MYO6: variants seen among roughly 807,000 people sequenced by gnomAD.
MYO6 encodes the protein myosin VI, also known as unconventional myosin-VI.
MYO6 carries 74 observed loss-of-function variants against 178.7 expected under a neutral mutation model. The observed-to-expected ratio is 0.41, with a 90% CI of 0.34 to 0.50. The LOEUF is 0.50. Among genes scored for constraint, MYO6 ranks in the 20% least tolerant of loss-of-function variants. The pLI, the probability that MYO6 is intolerant of heterozygous loss-of-function variation, is 0.09. For synonymous variants in MYO6, 477 were observed against 504.6 expected (o/e 0.95, Z 0.73); for missense variants, 1,330 against 1,547.4 (o/e 0.86, Z 2.36).
At chr6:75,806,812 G>A (rs186511783) in intron 1 of MYO6, among the ~76,000 whole-genome samples, 1 of 152,336 alleles carries the variant, frequency 6.6e-6, no homozygotes, top group East Asian at 1.9e-4. Flanking sequence ...CAATGCTAAT[G>A]ACTGGCTTGC....
intron 2 of MYO6, among the ~76,000 whole-genome samples, chr6:75,820,688 G>A (rs568871337): frequency 6.6e-6 from 1 of 152,130 alleles, no homozygotes; most frequent in East Asian, 1.9e-4. Flanking sequence ...ATATCCTTTT[G>A]CTTAGAAACT....
At chr6:75,787,029 T>C (rs1403639860) in intron 1 of MYO6, among the ~76,000 whole-genome samples, 1 of 152,262 alleles carries the variant, frequency 6.6e-6, no homozygotes, top group African/African-American at 2.4e-5. Flanking sequence ...TCACGTCATC[T>C]GGAATAGTTA....
At chr6:75,784,610 A>G (rs1201901115) in intron 1 of MYO6, among the ~76,000 whole-genome samples, 1 of 151,708 alleles carries the variant, frequency 6.6e-6, no homozygotes, top group Admixed American at 6.6e-5. Context: ...CGTCTCTACT[A>G]AAAATACAAA....
At chr6:75,841,742 G>A (rs1263753518) in intron 9 of MYO6, among the ~76,000 whole-genome samples, 1 of 152,076 alleles carries the variant, frequency 6.6e-6, no homozygotes, top group Non-Finnish European at 1.5e-5. Flanking sequence ...TTGCCATCAA[G>A]CCTAATACTT....
At chr6:75,914,696 A>G in intron 34 of MYO6, 117 bp from the exon 35 acceptor site, 1 of 991,584 alleles carries the variant, frequency 1.0e-6, no homozygotes, top group Non-Finnish European at 1.5e-6. Flanking sequence ...CATCTTAGAG[A>G]AAAAGTCTTA....
At chr6:75,761,034 T>C (rs1255815974) in intron 1 of MYO6, among the ~76,000 whole-genome samples, 1 of 152,188 alleles carries the variant, frequency 6.6e-6, no homozygotes, top group African/African-American at 2.4e-5. Flanking sequence ...GGTCTTAGTA[T>C]CTGGGGGAAG....
At chr6:75,894,131 C>CT (rs1779115126) in intron 28 of MYO6, among the ~76,000 whole-genome samples, 1 of 152,160 alleles carries the variant, frequency 6.6e-6, no homozygotes, top group Non-Finnish European at 1.5e-5. Flanking sequence ...CATCATCAAG[C>CT]TTTATATTTA....
intron 2 of MYO6, 81 bp from the exon 3 acceptor site, chr6:75,822,701 T>A: frequency 9.8e-7 from 1 of 1,022,376 alleles, no homozygotes; most frequent in East Asian, 2.4e-5. Context: ...ACTATTACAG[T>A]GTATGCAACC....
chr6:75,848,604 G>A, intron 11 of MYO6, 73 bp downstream of exon 11: 1 of 1,494,064 alleles, frequency 6.7e-7, no homozygotes, highest in East Asian at 2.4e-5. Context: ...TATGAAAATT[G>A]TCTCTTTATA....
At chr6:75,885,667 C>T (rs1778372747) in intron 23 of MYO6, among the ~76,000 whole-genome samples, 1 of 152,076 alleles carries the variant, frequency 6.6e-6, no homozygotes, top group Non-Finnish European at 1.5e-5. Flanking sequence ...AGGATGGTCT[C>T]AATCTCCCGA....
chr6:75,862,470 A>T, intron 15 of MYO6, 126 bp from the exon 16 acceptor site: 2 of 854,636 alleles, frequency 2.3e-6, no homozygotes, highest in Non-Finnish European at 3.8e-6. Flanking sequence ...TTGAGAGAAC[A>T]CATATAGAAT....
intron 5 of MYO6, among the ~76,000 whole-genome samples, chr6:75,831,460 C>T (rs1028734463): frequency 2.6e-5 from 4 of 152,234 alleles, no homozygotes; most frequent in Non-Finnish European, 4.4e-5. Context: ...CGTTGTGTTG[C>T]AGCCTGCAAA....
intron 1 of MYO6, among the ~76,000 whole-genome samples, chr6:75,781,993 A>G (rs2150054677): frequency 6.6e-6 from 1 of 150,420 alleles, no homozygotes; most frequent in East Asian, 2.0e-4. Context: ...GTGTGGACAG[A>G]TGAGGACTGG....
At chr6:75,913,566 T>C (rs1780926664) in intron 33 of MYO6, among the ~76,000 whole-genome samples, 1 of 152,226 alleles carries the variant, frequency 6.6e-6, no homozygotes, top group African/African-American at 2.4e-5. Context: ...AATTTTTATA[T>C]GGCTTCTACT....
In MYO6 at chr6:75,822,819, A is replaced by G. The variant is rs771450768; in HGVS notation, c.155A>G (p.Glu52Gly). 9.9e-6 allele frequency: 16 copies of G among 1,613,408 alleles called. No homozygotes were observed. The South Asian group carries it at 1.6e-4, about 17-fold the overall frequency. Residue 52 changes from glutamate (E) to glycine (G), a missense_variant, in exon 3 of 35, where the codon GAA becomes GGA. This residue lies in a region of MYO6 where 116 missense variants were observed against 104.6 expected (regional missense o/e 1.11). Transcript: ENST00000369977. Reference sequence around the variant, plus strand: ...CTCATAAACCAAGTGTTTCCTGCAGAAGAGGACAGTAAAAAAGATGTGGAA... The same window carrying G: ...CTCATAAACCAAGTGTTTCCTGCAGGAGAGGACAGTAAAAAAGATGTGGAA... ...LALINQVFPA[E>G]EDSKKDVEDN...
chr6:75,801,409 G>C (rs780666536), intron 1 of MYO6, among the ~76,000 whole-genome samples: 33 of 152,130 alleles, frequency 2.2e-4, no homozygotes, highest in Non-Finnish European at 4.4e-4. Context: ...GATCTGGTGG[G>C]TGAGTAGCGA....
intron 1 of MYO6, among the ~76,000 whole-genome samples, chr6:75,774,651 G>T (rs968146022): frequency 6.6e-6 from 1 of 151,914 alleles, no homozygotes; most frequent in Non-Finnish European, 1.5e-5. Context: ...AAATTTTATG[G>T]TATATTTGTT....
chr6:75,752,052 G>T (rs1179258785), intron 1 of MYO6, among the ~76,000 whole-genome samples: 1 of 151,232 alleles, frequency 6.6e-6, no homozygotes, highest in Non-Finnish European at 1.5e-5. Context: ...CTGTGCAGTG[G>T]CACGATCTTG....
chr6:75,812,685 C>T (rs1192192535), intron 1 of MYO6, among the ~76,000 whole-genome samples: 13 of 151,946 alleles, frequency 8.6e-5, no homozygotes, highest in South Asian at 6.2e-4. Flanking sequence ...CCCACAGATA[C>T]GTGAGAACAT....
Sources: gnomAD v4.1 joint callset for allele counts (sites outside exome capture counted in the v4.1 genomes callset) on GRCh38, gnomAD v4.1.1 for gene constraint, gnomAD v4.1.1 regional missense constraint, MANE v1.5 for transcripts, NCBI Gene and HGNC (gene_info 2026-07-23, HGNC 2026-07-21) for gene names.